CNTNAP2: variants seen among roughly 807,000 people sequenced by gnomAD.
CNTNAP2 encodes the protein contactin-associated protein-like 2.
CNTNAP2 carries 98 observed loss-of-function variants against 155.2 expected under a neutral mutation model. The ratio of observed to expected loss-of-function variants is 0.63; its 90% CI spans 0.54 to 0.75. CNTNAP2 has a LOEUF of 0.75. CNTNAP2 is among the 30% of genes least tolerant of loss of function. The probability of loss-of-function intolerance (pLI) is 0.00; values close to 1 mark genes in which losing one functional copy is unlikely to be tolerated. For missense variants in CNTNAP2, 1,727 were observed against 1,688.1 expected (o/e 1.02, Z -0.40); for synonymous variants, 651 against 631.2 (o/e 1.03, Z -0.47).
intron 1 of CNTNAP2, among the ~76,000 whole-genome samples, chr7:146,658,683 T>C (rs1800034644): frequency 6.6e-6 from 1 of 152,210 alleles, no homozygotes; most frequent in Non-Finnish European, 1.5e-5. Context: ...GAAATGTTCA[T>C]ACCTAATATT....
intron 8 of CNTNAP2, among the ~76,000 whole-genome samples, chr7:147,182,977 G>T (rs904701825): frequency 6.6e-6 from 1 of 152,054 alleles, no homozygotes; most frequent in Admixed American, 6.5e-5. Flanking sequence ...AAGAGCTAAA[G>T]AAATTTTTAA....
chr7:146,464,077 C>A (rs1796678845), intron 1 of CNTNAP2, among the ~76,000 whole-genome samples: 1 of 151,532 alleles, frequency 6.6e-6, no homozygotes, highest in Admixed American at 6.6e-5. Context: ...AATTTGGTCA[C>A]AATGCATTTT....
chr7:147,614,202 G>A (rs770490209), intron 12 of CNTNAP2, among the ~76,000 whole-genome samples: 3 of 151,966 alleles, frequency 2.0e-5, no homozygotes, highest in Non-Finnish European at 4.4e-5. Flanking sequence ...CTTAGACCTT[G>A]GCTCTTAAAT....
At chr7:147,439,078 A>C (rs1372999833) in intron 10 of CNTNAP2, among the ~76,000 whole-genome samples, 4 of 151,920 alleles carry the variant, frequency 2.6e-5, no homozygotes, top group Non-Finnish European at 5.9e-5. Flanking sequence ...TCTTCATTTC[A>C]ATCTTATTTA....
chr7:147,766,189 C>T (rs1054677550), intron 13 of CNTNAP2, among the ~76,000 whole-genome samples: 8 of 152,112 alleles, frequency 5.3e-5, no homozygotes, highest in African/African-American at 1.7e-4. Context: ...TTGAACTGTA[C>T]ACTTTAAATG....
At chr7:146,155,527 C>G (rs1177688772) in intron 1 of CNTNAP2, among the ~76,000 whole-genome samples, 1 of 151,856 alleles carries the variant, frequency 6.6e-6, no homozygotes, top group African/African-American at 2.4e-5. Context: ...AAGTCATAGA[C>G]TTACTGTAGA....
chr7:147,762,132 TTC>T (rs72279270), intron 13 of CNTNAP2, among the ~76,000 whole-genome samples: 25,732 of 141,946 alleles, frequency 0.18, 3,960 homozygotes, highest in African/African-American at 0.43. Context: ...TCTAATATGT[TTC>T]TCTCTCTCTC....
At chr7:146,800,902 G>A (rs1802865177) in intron 2 of CNTNAP2, among the ~76,000 whole-genome samples, 4 of 152,014 alleles carry the variant, frequency 2.6e-5, no homozygotes, top group Admixed American at 2.0e-4. Context: ...CACATGCAAT[G>A]TGGGAAAAGT....
At chr7:147,185,730 G>C (rs1001287317) in intron 8 of CNTNAP2, among the ~76,000 whole-genome samples, 8 of 152,170 alleles carry the variant, frequency 5.3e-5, no homozygotes, top group African/African-American at 1.9e-4. Context: ...TGGTTTAGGT[G>C]TGTCCCCACC....
chr7:146,638,478 T>TTTTTTTTTTTTTTTTTA (rs1799644220), intron 1 of CNTNAP2, among the ~76,000 whole-genome samples: 1 of 37,490 alleles, frequency 2.7e-5, no homozygotes, highest in Non-Finnish European at 6.8e-5. Flanking sequence ...AGGTGTTTCT[T>TTTTTTTTTTTTTTTTTA]TTTTTTTTTT....
At chr7:147,082,310 G>A (rs535944908) in intron 4 of CNTNAP2, among the ~76,000 whole-genome samples, 5 of 152,060 alleles carry the variant, frequency 3.3e-5, no homozygotes, top group Admixed American at 6.6e-5. Context: ...GCCTTTTATC[G>A]CTGCCTCTTT....
At chr7:147,770,558 ATAGACT>A (rs1797453634) in intron 13 of CNTNAP2, among the ~76,000 whole-genome samples, 1 of 152,228 alleles carries the variant, frequency 6.6e-6, no homozygotes, top group South Asian at 2.1e-4. Context: ...CTATCTCAGA[ATAGACT>A]TAGATAATAA....
chr7:146,281,193 G>A (rs927881920), intron 1 of CNTNAP2, among the ~76,000 whole-genome samples: 2 of 152,102 alleles, frequency 1.3e-5, no homozygotes, highest in Non-Finnish European at 2.9e-5. Flanking sequence ...CTGTTAAAAC[G>A]AGTACATTCC....
intron 12 of CNTNAP2, among the ~76,000 whole-genome samples, chr7:147,616,739 G>T (rs1186739884): frequency 6.6e-6 from 1 of 151,884 alleles, no homozygotes; most frequent in Non-Finnish European, 1.5e-5. Flanking sequence ...TTAGATATTT[G>T]TTTGTTTTCT....
chr7:148,176,710 T>A (rs1156983544), intron 18 of CNTNAP2, among the ~76,000 whole-genome samples: 1 of 152,190 alleles, frequency 6.6e-6, no homozygotes. Flanking sequence ...GGCAGATAAC[T>A]GAGCAGCATC....
chr7:148,078,384 T>C (rs1172066892), intron 15 of CNTNAP2, among the ~76,000 whole-genome samples: 2 of 152,200 alleles, frequency 1.3e-5, no homozygotes, highest in Non-Finnish European at 2.9e-5. Flanking sequence ...GCCACTTCTT[T>C]TAAATTGCAT....
chr7:147,174,230 C>T (rs1462976612), intron 8 of CNTNAP2, among the ~76,000 whole-genome samples: 1 of 152,124 alleles, frequency 6.6e-6, no homozygotes, highest in Non-Finnish European at 1.5e-5. Flanking sequence ...TCACCTCCCT[C>T]CCAAACTCCC....
At chr7:147,161,902 G>C (rs13241267) in intron 8 of CNTNAP2, 1 of 152,094 alleles carries the variant, frequency 6.6e-6, no homozygotes, top group Admixed American at 6.5e-5. Flanking sequence ...TTCTGTTCCA[G>C]AACAAAAGGA....
chr7:147,254,981 T>C (rs566284051), intron 8 of CNTNAP2, among the ~76,000 whole-genome samples: 7 of 152,332 alleles, frequency 4.6e-5, no homozygotes, highest in African/African-American at 9.6e-5. Context: ...TTCTAAGTTA[T>C]AATTGCAATC....
Sources: allele counts gnomAD v4.1 joint callset (sites outside exome capture counted in the v4.1 genomes callset), GRCh38; gene constraint gnomAD v4.1.1; transcripts MANE v1.5; gene names NCBI Gene and HGNC (gene_info 2026-07-23, HGNC 2026-07-21).